The following PUM2 variants were observed in gnomAD, a reference collection of about 807,000 sequenced individuals.
PUM2 encodes pumilio homolog 2.
Under a neutral mutation model 124.5 loss-of-function variants are expected in PUM2, and 57 were observed. That is an observed-to-expected ratio of 0.46 (90% CI 0.37 to 0.57). The LOEUF is 0.57. Among genes scored for constraint, PUM2 ranks in the 20% least tolerant of loss-of-function variants. PUM2 has a pLI of 0.00. For synonymous variants in PUM2, 460 were observed against 446.1 expected, an observed-to-expected ratio of 1.03 and a Z score of -0.39; for missense variants, 1,065 against 1,290.6, an observed-to-expected ratio of 0.83 and a Z score of 2.68.
At chr2:20,306,203 G>A (rs2148500893) in intron 7 of PUM2, among the ~76,000 whole-genome samples, 1 of 152,184 alleles carries the variant, frequency 6.6e-6, no homozygotes, top group African/African-American at 2.4e-5. Flanking sequence ...AGACCTCCTT[G>A]TCAAAGAAAC....
chr2:20,351,649 G>T (rs147523976), upstream of PUM2, among the ~76,000 whole-genome samples: 1 of 152,324 alleles, frequency 6.6e-6, no homozygotes, highest in Non-Finnish European at 1.5e-5. Context: ...GTGATTCCAG[G>T]ATTCTAACCT....
intron 2 of PUM2, among the ~76,000 whole-genome samples, chr2:20,325,623 T>TC (rs900665253): frequency 6.8e-5 from 9 of 133,066 alleles, no homozygotes; most frequent in African/African-American, 2.4e-4. Flanking sequence ...ACTCTCTTGT[T>TC]CTTTTTTTTT....
chr2:20,303,195 T>C (rs1677405470), intron 7 of PUM2, among the ~76,000 whole-genome samples: 1 of 143,632 alleles, frequency 7.0e-6, no homozygotes, highest in South Asian at 2.2e-4. Flanking sequence ...CCTGGTGCCA[T>C]AGCATTGGCT....
intron 14 of PUM2, among the ~76,000 whole-genome samples, chr2:20,261,021 A>G (rs1290915874): frequency 6.6e-6 from 1 of 152,174 alleles, no homozygotes; most frequent in Non-Finnish European, 1.5e-5. Flanking sequence ...TTGGGTAGGA[A>G]CTGTCATAAC....
chr2:20,285,317 T>G (rs1343236860), intron 10 of PUM2, among the ~76,000 whole-genome samples: 4 of 152,210 alleles, frequency 2.6e-5, no homozygotes, highest in African/African-American at 9.7e-5. Context: ...CTGTAACACA[T>G]TCTCCACAGA....
At chr2:20,303,528 A>C (rs1415746377) in intron 7 of PUM2, among the ~76,000 whole-genome samples, 1 of 151,346 alleles carries the variant, frequency 6.6e-6, no homozygotes, top group Non-Finnish European at 1.5e-5. Context: ...GGGAGAACTG[A>C]CATTTTTATA....
At chr2:20,261,965 C>T (rs1666404672) in intron 14 of PUM2, among the ~76,000 whole-genome samples, 1 of 151,966 alleles carries the variant, frequency 6.6e-6, no homozygotes, top group South Asian at 2.1e-4. Flanking sequence ...TGTGATGGTG[C>T]GTGCCTGTAG....
In PUM2 at chr2:20,278,773, A is replaced by T; in HGVS notation, c.1767T>A (p.Ser589=). 9 of 1,613,662 alleles carry T rather than the reference A, an allele frequency of 5.6e-6. No individual in the cohort carries two copies. The highest frequency in any genetic ancestry group is 7.6e-6 in the Non-Finnish European group (9 of 1,179,692). The part of the protein sequence containing the change: ...SSSATRRESL[S]TSSDLYKRSS... ...ATCTTTTGTACAAGTCAGAGCTAGT[A>T]GATAGAGACTCTCTCCTTGTGGCAC... Residue 589 remains serine (S), a synonymous_variant, in exon 13 of 21, where the codon TCT becomes TCA. Coordinates refer to ENST00000361078, the MANE Select transcript of PUM2 (RefSeq NM_015317.5).
intron 2 of PUM2, chr2:20,326,354 C>G (rs1238066418): frequency 1.5e-6 from 2 of 1,304,174 alleles, no homozygotes; most frequent in Non-Finnish European, 2.0e-6. Flanking sequence ...CCTCTTGTGG[C>G]CCAAAGGAGA....
chr2:20,346,728 C>G (rs995330697), intron 1 of PUM2, among the ~76,000 whole-genome samples: 2 of 152,114 alleles, frequency 1.3e-5, no homozygotes, highest in Non-Finnish European at 2.9e-5. Flanking sequence ...CCTTCCCTAC[C>G]GCCCCGCCAT....
chr2:20,304,166 A>G (rs990850060), intron 7 of PUM2, among the ~76,000 whole-genome samples: 2 of 151,918 alleles, frequency 1.3e-5, no homozygotes, highest in African/African-American at 4.8e-5. Context: ...CTACAACTCA[A>G]CCCCCAAAGC....
chr2:20,351,268 G>T (rs1422594111), upstream of PUM2, among the ~76,000 whole-genome samples: 1 of 152,236 alleles, frequency 6.6e-6, no homozygotes, highest in Non-Finnish European at 1.5e-5. Context: ...CTGGCATTTC[G>T]CTTCCAGAGT....
chr2:20,294,281 G>C, intron 9 of PUM2, 95 bp downstream of exon 9: 1 of 1,406,394 alleles, frequency 7.1e-7, no homozygotes, highest in South Asian at 1.3e-5. Flanking sequence ...GTTACACAGT[G>C]AGGAAACGTA....
rs757691007 is a variant in PUM2 at position 20,283,064 on chromosome 2, T to C, written c.1603A>G (p.Ser535Gly). The change falls in exon 12 of 21, where the codon AGT becomes GGT. Residue 535 changes from serine (S) to glycine (G), a missense_variant. Around this residue, in one of 3 missense-constraint regions of PUM2, gnomAD observed 968 missense variants for 1,159.8 expected, o/e 0.83. Transcript: ENST00000361078. ...GSSSLTNSSQSSSLFSHGPGQ... is the reference protein window; with the variant it reads ...GSSSLTNSSQGSSLFSHGPGQ... Reference sequence around the variant, plus strand: ...GGTCCATGAGAAAATAAAGAACTACTCTGGGAGCTATTAGTCAAAGAACTG... The same window carrying C: ...GGTCCATGAGAAAATAAAGAACTACCCTGGGAGCTATTAGTCAAAGAACTG... 98 of 1,613,984 alleles carry C rather than the reference T, an allele frequency of 6.1e-5. No individual in the cohort carries two copies. Among genetic ancestry groups the C allele is most frequent in the Non-Finnish European group, 8.3e-5 (98 of 1,180,006 alleles).
intron 1 of PUM2, among the ~76,000 whole-genome samples, chr2:20,343,628 A>G (rs1687650023): frequency 6.6e-6 from 1 of 152,148 alleles, no homozygotes; most frequent in African/African-American, 2.4e-5. Context: ...TCTGTTGGGC[A>G]TGGTGGCTTG....
intron 9 of PUM2, among the ~76,000 whole-genome samples, chr2:20,291,412 ATCC>A (rs1291658975): frequency 6.6e-6 from 1 of 152,174 alleles, no homozygotes; most frequent in Non-Finnish European, 1.5e-5. Flanking sequence ...TGACCCACAT[ATCC>A]TCCTCGCTCG....
intron 18 of PUM2, 116 bp from the exon 19 acceptor site, chr2:20,255,100 C>T: frequency 1.4e-6 from 2 of 1,463,526 alleles, no homozygotes; most frequent in South Asian, 1.3e-5. Context: ...GAGAATACAA[C>T]AGCCTTTTGT....
At chr2:20,333,504 CT>C (rs753205233) in intron 1 of PUM2, among the ~76,000 whole-genome samples, 2 of 151,632 alleles carry the variant, frequency 1.3e-5, no homozygotes, top group East Asian at 3.9e-4. Context: ...AAGACCCTGT[CT>C]CAAAAAAAGA....
At chr2:20,321,434 T>C (rs1572915765) in intron 2 of PUM2, among the ~76,000 whole-genome samples, 2 of 152,170 alleles carry the variant, frequency 1.3e-5, no homozygotes, top group South Asian at 4.2e-4. Context: ...CATTTAGAAG[T>C]TTTTATGCAC....
Sources: allele counts gnomAD v4.1 joint callset (sites outside exome capture counted in the v4.1 genomes callset), GRCh38; gene constraint gnomAD v4.1.1; regional missense constraint gnomAD v4.1.1; transcripts MANE v1.5; gene names NCBI Gene and HGNC (gene_info 2026-07-23, HGNC 2026-07-21).